HERC1: variants seen among roughly 807,000 people sequenced by gnomAD.
HERC1 encodes the protein HECT and RLD domain containing E3 ubiquitin protein ligase family member 1.
Under a neutral mutation model 554.3 loss-of-function variants are expected in HERC1, and 160 were observed. The ratio of observed to expected loss-of-function variants is 0.29; its 90% CI spans 0.25 to 0.33. The LOEUF (loss-of-function observed/expected upper bound fraction) is 0.33. Among genes scored for constraint, HERC1 ranks in the 10% least tolerant of loss-of-function variants. The probability of loss-of-function intolerance (pLI) is 1.00; values close to 1 mark genes in which losing one functional copy is unlikely to be tolerated. For synonymous variants in HERC1, 2,175 were observed against 2,131.7 expected (o/e 1.02, Z -0.56); for missense variants, 4,919 against 5,918.5 (o/e 0.83, Z 5.54).
intron 1 of HERC1, among the ~76,000 whole-genome samples, chr15:63,809,345 C>T (rs2077229647): frequency 6.6e-6 from 1 of 152,164 alleles, no homozygotes; most frequent in Non-Finnish European, 1.5e-5. Flanking sequence ...GGTATTCTGA[C>T]TTACCACTAC....
chr15:63,717,836 C>A (rs940819465), intron 21 of HERC1, among the ~76,000 whole-genome samples: 3 of 152,110 alleles, frequency 2.0e-5, no homozygotes, highest in Admixed American at 6.5e-5. Context: ...CATGCCACTG[C>A]GCTCCAGCCT....
intron 1 of HERC1, among the ~76,000 whole-genome samples, chr15:63,784,860 C>T (rs1033380049): frequency 6.6e-6 from 1 of 152,232 alleles, no homozygotes; most frequent in African/African-American, 2.4e-5. Context: ...ATCAGCCCAC[C>T]TCGGCCTCCC....
intron 1 of HERC1, among the ~76,000 whole-genome samples, chr15:63,810,433 G>A (rs1283319048): frequency 6.6e-6 from 1 of 151,918 alleles, no homozygotes; most frequent in African/African-American, 2.4e-5. Flanking sequence ...TAAAAAAAAA[G>A]AGGGGCTATA....
intron 14 of HERC1, among the ~76,000 whole-genome samples, chr15:63,731,130 G>C (rs1300962699): frequency 1.3e-5 from 2 of 151,888 alleles, no homozygotes. Context: ...ATATTCCATT[G>C]AACACATGTA....
intron 3 of HERC1, among the ~76,000 whole-genome samples, chr15:63,761,034 C>T (rs2142249731): frequency 6.6e-6 from 1 of 151,956 alleles, no homozygotes; most frequent in African/African-American, 2.4e-5. Context: ...TTAAGATAGA[C>T]AAGAAGAAAA....
Position 63,725,320 on chromosome 15 carries a change from G to A in HERC1, c.3540C>T (p.Asp1180=), listed in dbSNP as rs374385019. The stretch of plus-strand genomic sequence containing the variant: ...ATTGAGGAGTGTCCATTTCTACACC[G>A]TCACTGAACAGTGGCGTTTTCATCC... ...AYWMKTPLFS[D]GVEMDTPQLD... Residue 1180 remains aspartate (D), a synonymous_variant, in exon 18 of 78, where the codon GAC becomes GAT. Coordinates refer to ENST00000443617, the MANE Select transcript of HERC1 (RefSeq NM_003922.4). 25 of 1,613,672 alleles carry A rather than the reference G, an allele frequency of 1.5e-5. No individual in the cohort carries two copies. Among genetic ancestry groups the A allele is most frequent in the African/African-American group, 1.3e-4 (10 of 74,890 alleles).
At chr15:63,780,243 G>C (rs1021858799) in intron 1 of HERC1, among the ~76,000 whole-genome samples, 2 of 151,802 alleles carry the variant, frequency 1.3e-5, no homozygotes, top group South Asian at 4.2e-4. Flanking sequence ...AAGTATTTTT[G>C]ATTTTGTGAT....
chr15:63,679,903 T>A (rs942920583), intron 36 of HERC1, among the ~76,000 whole-genome samples, 174 bp downstream of exon 36: 1 of 152,256 alleles, frequency 6.6e-6, no homozygotes, highest in South Asian at 2.1e-4. Context: ...AGTGCCTTAA[T>A]ATTAATATAT....
At chr15:63,731,752 C>CA (rs1465212685) in intron 14 of HERC1, among the ~76,000 whole-genome samples, 6 of 152,098 alleles carry the variant, frequency 3.9e-5, no homozygotes, top group Non-Finnish European at 8.8e-5. Context: ...GATACACAAA[C>CA]AATTCAAAGT....
chr15:63,757,624 C>A (rs1387300200), intron 4 of HERC1, among the ~76,000 whole-genome samples: 2 of 151,988 alleles, frequency 1.3e-5, no homozygotes, highest in Non-Finnish European at 2.9e-5. Flanking sequence ...TGTTGCTATT[C>A]TTAACACTTT....
chr15:63,794,586 C>G (rs753658633), intron 1 of HERC1, among the ~76,000 whole-genome samples: 4 of 152,136 alleles, frequency 2.6e-5, no homozygotes, highest in Non-Finnish European at 5.9e-5. Context: ...CAAAAAGACA[C>G]AGATCACTTT....
intron 74 of HERC1, among the ~76,000 whole-genome samples, chr15:63,616,984 C>A (rs1166184675): frequency 6.6e-6 from 1 of 151,732 alleles, no homozygotes; most frequent in Non-Finnish European, 1.5e-5. Context: ...CTCCAGAATG[C>A]CTTGTTTTCT....
chr15:63,820,761 T>C (rs938355557), intron 1 of HERC1, among the ~76,000 whole-genome samples: 2 of 152,192 alleles, frequency 1.3e-5, no homozygotes, highest in African/African-American at 4.8e-5. Flanking sequence ...CAAGCAGTTC[T>C]CCGGCCTTGG....
At chr15:63,772,785 C>A (rs1486604674) in intron 2 of HERC1, among the ~76,000 whole-genome samples, 1 of 152,066 alleles carries the variant, frequency 6.6e-6, no homozygotes, top group African/African-American at 2.4e-5. Context: ...CATTCCATAT[C>A]CCAAACAAAG....
Position 63,733,086 on chromosome 15 carries a change from T to C in HERC1, c.2706A>G (p.Leu902=), listed in dbSNP as rs1198724416. ...SLQDHTHVAS[L]LGYSSPSDAA... is the part of the protein sequence containing the mutation. The stretch of plus-strand genomic sequence containing the variant: ...CATCAGAGGGTGAACTATAGCCAAG[T>C]AGGGAGGCTACGTGGGTATGATCTT... Residue 902 remains leucine, a synonymous_variant, in exon 14 of 78, where the codon CTA becomes CTG. Coordinates refer to ENST00000443617, the MANE Select transcript of HERC1 (RefSeq NM_003922.4). 1.9e-6 allele frequency: 3 copies of C among 1,613,790 alleles called. No individual in the cohort carries two copies. Among genetic ancestry groups the C allele is most frequent in the South Asian group, 2.2e-5 (2 of 91,086 alleles).
chr15:63,768,233 T>C (rs1206496972), intron 2 of HERC1, among the ~76,000 whole-genome samples: 2 of 152,352 alleles, frequency 1.3e-5, no homozygotes, highest in Middle Eastern at 3.4e-3. Context: ...TTATTTAGGA[T>C]GTTGCTTCTC....
intron 59 of HERC1, 89 bp downstream of exon 59, chr15:63,642,868 T>C (rs2069140807): frequency 1.3e-6 from 1 of 757,088 alleles, no homozygotes; most frequent in South Asian, 1.5e-5. Context: ...ACATCAGGTT[T>C]CTCCTCCATA....
chr15:63,632,781 T>G lies in HERC1; in HGVS notation c.12724A>C (p.Lys4242Gln). 6.4e-7 allele frequency: 1 copy of G among 1,568,286 alleles called. No individual in the cohort carries two copies. The highest frequency in any genetic ancestry group is 8.7e-7 in the Non-Finnish European group (1 of 1,154,804). Reference protein sequence around the residue: ...KIDVLCGIGIKKVACGTQFSV... With the variant: ...KIDVLCGIGIQKVACGTQFSV... Reference sequence around the variant, plus strand: ...AACTGAGTTCCACAAGCAACCTTTTTTATTCCAATTCCACAAAGGACGTCA... The same window carrying G: ...AACTGAGTTCCACAAGCAACCTTTTGTATTCCAATTCCACAAAGGACGTCA... Residue 4242 changes from lysine to glutamine, a missense_variant, in exon 68 of 78, where the codon AAA becomes CAA. Transcript: ENST00000443617.
At chr15:63,770,898 T>C (rs2075932172) in intron 2 of HERC1, among the ~76,000 whole-genome samples, 1 of 152,116 alleles carries the variant, frequency 6.6e-6, no homozygotes. Context: ...GTAAGAAACA[T>C]GGGTTCTAGG....
Sources: allele counts gnomAD v4.1 joint callset (sites outside exome capture counted in the v4.1 genomes callset), GRCh38; gene constraint gnomAD v4.1.1; transcripts MANE v1.5; gene names NCBI Gene and HGNC (gene_info 2026-07-23, HGNC 2026-07-21).